The following AFG3L2 variants were observed in gnomAD, a reference collection of about 807,000 sequenced individuals.
AFG3L2 encodes AFG3 like matrix AAA peptidase subunit 2, also known as mitochondrial inner membrane m-AAA protease component AFG3L2.
AFG3L2 carries 54 observed loss-of-function variants against 94.5 expected under a neutral mutation model. The observed-to-expected ratio is 0.57, with a 90% confidence interval of 0.46 to 0.72. The LOEUF (loss-of-function observed/expected upper bound fraction) is 0.72. Among genes scored for constraint, AFG3L2 ranks in the 30% least tolerant of loss-of-function variants. AFG3L2 has a pLI of 0.00. For missense variants in AFG3L2, 754 were observed against 994.9 expected (o/e 0.76, Z 3.26); for synonymous variants, 377 against 365.5 (o/e 1.03, Z -0.36).
intron 16 of AFG3L2, among the ~76,000 whole-genome samples, chr18:12,333,680 C>T (rs971657601): frequency 1.3e-5 from 2 of 152,124 alleles, no homozygotes; most frequent in African/African-American, 4.8e-5. Flanking sequence ...ATTATTTCAA[C>T]ATGTGACGAC....
At chr18:12,373,965 G>C (rs1909066869) in intron 1 of AFG3L2, among the ~76,000 whole-genome samples, 1 of 152,066 alleles carries the variant, frequency 6.6e-6, no homozygotes, top group Non-Finnish European at 1.5e-5. Flanking sequence ...CATGAGTTTT[G>C]GTGAGGCCAA....
chr18:12,357,801 G>A (rs1381605575), intron 8 of AFG3L2, among the ~76,000 whole-genome samples: 1 of 152,056 alleles, frequency 6.6e-6, no homozygotes, highest in East Asian at 1.9e-4. Flanking sequence ...GATTCACCAT[G>A]TTGGCCAGGC....
At chr18:12,370,160 C>T (rs767807301) in intron 3 of AFG3L2, among the ~76,000 whole-genome samples, 3 of 151,900 alleles carry the variant, frequency 2.0e-5, no homozygotes, top group Non-Finnish European at 2.9e-5. Context: ...CTCCGAATCC[C>T]TAAGGTGAGG....
intron 16 of AFG3L2, among the ~76,000 whole-genome samples, chr18:12,336,392 G>A (rs753487431): frequency 2.0e-5 from 3 of 152,176 alleles, no homozygotes; most frequent in Non-Finnish European, 4.4e-5. Context: ...CTCAGAAACT[G>A]ACTCAGCACA....
At chr18:12,360,188 C>G in intron 6 of AFG3L2, 137 bp from the exon 7 acceptor site, 1 of 839,852 alleles carries the variant, frequency 1.2e-6, no homozygotes, top group Non-Finnish European at 1.8e-6. Flanking sequence ...TAATAAAAGA[C>G]TGGCTTTAAT....
At chr18:12,348,431 T>C in intron 12 of AFG3L2, 48 bp from the exon 13 acceptor site, 2 of 1,449,552 alleles carry the variant, frequency 1.4e-6, no homozygotes, top group East Asian at 2.3e-5. Flanking sequence ...ACGCCCAAAC[T>C]GATCAGTCAC....
chr18:12,363,185 T>C (rs1003343290), intron 6 of AFG3L2, among the ~76,000 whole-genome samples: 1 of 152,170 alleles, frequency 6.6e-6, no homozygotes, highest in African/African-American at 2.4e-5. Flanking sequence ...ACAATTATCC[T>C]AAGGGAGCCT....
At chr18:12,357,676 C>T (rs1173154330) in intron 8 of AFG3L2, among the ~76,000 whole-genome samples, 6 of 152,122 alleles carry the variant, frequency 3.9e-5, no homozygotes, top group Non-Finnish European at 8.8e-5. Context: ...CGGCTCACTG[C>T]AACCTCCACC....
chr18:12,364,127 C>T lies in AFG3L2; in HGVS notation c.553-271G>A, dbSNP rs1450754631. On this transcript the variant is annotated intron_variant, in intron 5 of 16. Transcript: ENST00000269143. ...CATGAAGGTAACCCTACACGATATG[C>T]ACATTCCCTTCTGCCTGTTTTTAAC... Among the ~76,000 whole-genome samples the T allele has an allele frequency of 2.6e-5, 4 of 152,318 alleles. No individual in the cohort carries two copies. In the East Asian group the frequency reaches 7.7e-4, roughly 29 times the overall value.
intron 10 of AFG3L2, among the ~76,000 whole-genome samples, chr18:12,351,772 C>T (rs1480630933): frequency 6.6e-6 from 1 of 152,140 alleles, no homozygotes; most frequent in Non-Finnish European, 1.5e-5. Context: ...GTCTCGAACA[C>T]CTAACCTCAG....
At position 12,340,421 on chromosome 18, in the gene AFG3L2, G is replaced by A; in HGVS notation, c.1780-20C>T. The stretch of plus-strand genomic sequence containing the variant: ...GGATACCTGGTAAGTAGAAAACAGT[G>A]TTGAAGATCCTACTACAGATGAAGA... On this transcript the variant is annotated intron_variant, in intron 14 of 16. Coordinates refer to ENST00000269143, the MANE Select transcript of AFG3L2 (RefSeq NM_006796.3). 6.4e-7 allele frequency: 1 copy of A among 1,572,826 alleles called. No individual in the cohort carries two copies. Among genetic ancestry groups the A allele is most frequent in the South Asian group, 1.1e-5 (1 of 90,258 alleles).
rs116039228 is a variant in AFG3L2, at chr18:12,336,449, C to A, written c.2175+892G>T. On this transcript the variant is annotated intron_variant, in intron 16 of 16. Coordinates refer to ENST00000269143, the MANE Select transcript of AFG3L2 (RefSeq NM_006796.3). The stretch of plus-strand genomic sequence containing the variant: ...ATGATTTCACCTCTGCCCCAACCAA[C>A]CAGCCAGCATTCCTCACTCCCTGGC... Among the ~76,000 whole-genome samples the A allele has an allele frequency of 5.8e-3, 880 of 152,300 alleles. 9 individuals are homozygous for A. Among genetic ancestry groups the A allele is most frequent in the African/African-American group, 0.02 (846 of 41,560 alleles).
chr18:12,369,974 G>C (rs551508985), intron 3 of AFG3L2, among the ~76,000 whole-genome samples: 1 of 140,512 alleles, frequency 7.1e-6, no homozygotes, highest in Non-Finnish European at 1.5e-5. Context: ...AGAATGGTGC[G>C]AACCCAAGAG....
intron 9 of AFG3L2, among the ~76,000 whole-genome samples, chr18:12,353,361 A>AT (rs1195278131): frequency 6.6e-6 from 1 of 151,806 alleles, no homozygotes; most frequent in Non-Finnish European, 1.5e-5. Flanking sequence ...CTAAAAATAC[A>AT]AAATTAGGCA....
intron 10 of AFG3L2, 46 bp downstream of exon 10, chr18:12,352,959 A>C (rs1165653129): frequency 1.2e-6 from 2 of 1,610,370 alleles, no homozygotes; most frequent in Non-Finnish European, 1.7e-6. Flanking sequence ...ATCTCAAAAA[A>C]AAAAACAAAA....
At chr18:12,335,086 G>A (rs1907698079) in intron 16 of AFG3L2, among the ~76,000 whole-genome samples, 1 of 152,068 alleles carries the variant, frequency 6.6e-6, no homozygotes, top group Admixed American at 6.5e-5. Context: ...TATCTCCCCA[G>A]GTGGCCTCCC....
rs1229785746 is a variant in AFG3L2 at position 12,332,956 on chromosome 18, T to TATA, written c.2176-3174_2176-3173insTAT. 0.016 allele frequency among the ~76,000 whole-genome samples: 1,835 copies of TATA among 118,282 alleles called. 227 individuals are homozygous for TATA. The East Asian group carries it at 0.26, about 17-fold the overall frequency. The allele number at this position is 118,282 out of a possible 152,430, so 77.6% of individuals were successfully genotyped here. ...ACTATATAACATATAATATATTATA[T>TATA]ACTATAATATATTATATATTATATA... On this transcript the variant is annotated intron_variant, in intron 16 of 16. Coordinates refer to ENST00000269143, the MANE Select transcript of AFG3L2 (RefSeq NM_006796.3).
Position 12,370,463 on chromosome 18 carries a change from CT to C in AFG3L2, c.292+385del, listed in dbSNP as rs71369930. Among the ~76,000 whole-genome samples, 1,177 of 120,986 alleles carry C rather than the reference CT, an allele frequency of 9.7e-3. 11 individuals are homozygous for C. Among genetic ancestry groups the C allele is most frequent in the African/African-American group, 0.027 (785 of 29,282 alleles). The allele number at this position is 120,986 out of a possible 152,430, so 79.4% of individuals were successfully genotyped here. On this transcript the variant is annotated intron_variant, in intron 3 of 16. Transcript: ENST00000269143. ...TTCACAACTGACTTACTATAACTTT[CT>C]TTTTTTTTTTTTTTTCTTTTTTTTT...
At chr18:12,333,758 T>C (rs1418603330) in intron 16 of AFG3L2, among the ~76,000 whole-genome samples, 3 of 152,170 alleles carry the variant, frequency 2.0e-5, no homozygotes, top group African/African-American at 7.2e-5. Context: ...CAGCATGCAC[T>C]TGACATTTAA....
Sources: allele counts gnomAD v4.1 joint callset (sites outside exome capture counted in the v4.1 genomes callset), GRCh38; gene constraint gnomAD v4.1.1; transcripts MANE v1.5; gene names NCBI Gene and HGNC (gene_info 2026-07-23, HGNC 2026-07-21).